The following GRIP1 variants were observed in gnomAD, a reference collection of about 807,000 sequenced individuals.
The protein encoded by GRIP1 is glutamate receptor-interacting protein 1.
GRIP1 carries 45 observed loss-of-function variants against 129.9 expected under a neutral mutation model. The ratio of observed to expected loss-of-function variants is 0.35; its 90% CI spans 0.27 to 0.44. The LOEUF is 0.44. Among genes scored for constraint, GRIP1 ranks in the 20% least tolerant of loss-of-function variants. The pLI, the probability that GRIP1 is intolerant of heterozygous loss-of-function variation, is 1.00. For synonymous variants in GRIP1, 530 were observed against 520.8 expected, an observed-to-expected ratio of 1.02 and a Z score of -0.24; for missense variants, 1,196 against 1,396.8, an observed-to-expected ratio of 0.86 and a Z score of 2.29.
chr12:66,365,306 G>T (rs1328289807), intron 23 of GRIP1, among the ~76,000 whole-genome samples: 1 of 152,084 alleles, frequency 6.6e-6, no homozygotes, highest in South Asian at 2.1e-4. Flanking sequence ...GCATGGTGGT[G>T]TGTACCTGTA....
rs1293704009 is a variant in GRIP1 at position 66,349,057 on chromosome 12, C to T, written c.3349G>A (p.Gly1117Ser). 1 of 1,613,974 alleles carries T rather than the reference C, an allele frequency of 6.2e-7. No homozygotes were observed. The highest frequency in any genetic ancestry group is 1.1e-5 in the South Asian group (1 of 91,082). ...SAFFQQPSHG[G>S]NLETREPTNT... ...GTGGGTTCTCGTGTCTCCAAATTAC[C>T]ACCGTGGCTAGGCTGCTGGAAAAAA... The change falls in exon 25 of 25, where the codon GGT becomes AGT. Residue 1117 changes from glycine to serine, a missense_variant. This residue lies in a region of GRIP1 where 427 missense variants were observed against 463.3 expected (regional missense o/e 0.92). Coordinates refer to ENST00000359742, the MANE Select transcript of GRIP1 (RefSeq NM_001366722.1).
intron 1 of GRIP1, among the ~76,000 whole-genome samples, chr12:67,066,572 G>A (rs1338569406): frequency 1.3e-5 from 2 of 152,084 alleles, no homozygotes; most frequent in East Asian, 1.9e-4. Flanking sequence ...TAAGATATTC[G>A]AAATTGACCT....
At chr12:66,824,966 C>T (rs1346415796) in intron 1 of GRIP1, among the ~76,000 whole-genome samples, 1 of 152,004 alleles carries the variant, frequency 6.6e-6, no homozygotes, top group Non-Finnish European at 1.5e-5. Context: ...TCCCCAAAGC[C>T]CTCTCTTAAT....
intron 16 of GRIP1, among the ~76,000 whole-genome samples, chr12:66,405,701 C>T (rs920412144): frequency 6.6e-6 from 1 of 152,082 alleles, no homozygotes; most frequent in African/African-American, 2.4e-5. Context: ...TATTCTTACT[C>T]AGCCATCCTG....
chr12:66,918,945 A>G (rs1304852659), intron 1 of GRIP1, among the ~76,000 whole-genome samples: 1 of 152,166 alleles, frequency 6.6e-6, no homozygotes, highest in Admixed American at 6.5e-5. Flanking sequence ...CTTAAAATGA[A>G]TAAGAAAAAA....
intron 11 of GRIP1, among the ~76,000 whole-genome samples, chr12:66,448,010 G>T (rs527843169): frequency 1.3e-5 from 2 of 152,078 alleles, no homozygotes; most frequent in African/African-American, 2.4e-5. Flanking sequence ...GCATTTCAGC[G>T]CACAGTTCCA....
chr12:66,642,729 A>G (rs2032042871), intron 1 of GRIP1, among the ~76,000 whole-genome samples: 1 of 152,210 alleles, frequency 6.6e-6, no homozygotes, highest in South Asian at 2.1e-4. Flanking sequence ...ATTTGGAAGG[A>G]TAAATGAGTA....
intron 1 of GRIP1, among the ~76,000 whole-genome samples, chr12:66,618,719 T>A (rs561656162): frequency 6.6e-6 from 1 of 152,264 alleles, no homozygotes; most frequent in South Asian, 2.1e-4. Flanking sequence ...AATGAAATGT[T>A]TATTTATCAA....
intron 1 of GRIP1, among the ~76,000 whole-genome samples, chr12:66,781,052 T>C (rs2038142373): frequency 6.6e-6 from 1 of 152,178 alleles, no homozygotes; most frequent in Non-Finnish European, 1.5e-5. Flanking sequence ...TGTTCACCAC[T>C]GAGTTCTAGG....
chr12:66,862,875 G>T (rs1294007556), intron 1 of GRIP1, among the ~76,000 whole-genome samples: 1 of 151,976 alleles, frequency 6.6e-6, no homozygotes. Context: ...TTTCCAATGT[G>T]CTGCAGTTTC....
At chr12:66,553,277 T>C (rs191713447) in intron 2 of GRIP1, among the ~76,000 whole-genome samples, 9 of 152,284 alleles carry the variant, frequency 5.9e-5, no homozygotes, top group Admixed American at 5.9e-4. Flanking sequence ...AACTATCTTC[T>C]AGCCTCACTC....
At chr12:66,707,914 T>C (rs57794946) in intron 1 of GRIP1, among the ~76,000 whole-genome samples, 19,671 of 152,020 alleles carry the variant, frequency 0.13, 1,395 homozygotes, top group Non-Finnish European at 0.15. Flanking sequence ...TTAAAAAATA[T>C]AAGAAAGGCA....
At chr12:67,036,871 C>A (rs919440220) in intron 1 of GRIP1, among the ~76,000 whole-genome samples, 3 of 152,122 alleles carry the variant, frequency 2.0e-5, no homozygotes, top group African/African-American at 7.2e-5. Context: ...CCCTATACTT[C>A]TTCAAAATTA....
chr12:66,624,260 G>A lies in GRIP1; in HGVS notation c.56-27333C>T, dbSNP rs552303425. Among the ~76,000 whole-genome samples the A allele has an allele frequency of 2.1e-3, 327 of 152,186 alleles. 2 individuals are homozygous for A. The highest frequency in any genetic ancestry group is 7.5e-3 in the African/African-American group (311 of 41,534). ...CCCTCTCAAAGGTCTAGATTATGTT[G>A]CACAGAGATCAGCACCATTAATTTG... On this transcript the variant is annotated intron_variant, in intron 1 of 24. Transcript: ENST00000359742.
At chr12:66,907,768 AG>A (rs557930799) in intron 1 of GRIP1, among the ~76,000 whole-genome samples, 23 of 152,346 alleles carry the variant, frequency 1.5e-4, no homozygotes, top group Non-Finnish European at 2.8e-4. Flanking sequence ...CAACAAAGAA[AG>A]GGGAGAAAAC....
At chr12:66,473,493 C>T (rs1479783680) in intron 7 of GRIP1, among the ~76,000 whole-genome samples, 1 of 152,234 alleles carries the variant, frequency 6.6e-6, no homozygotes, top group Non-Finnish European at 1.5e-5. Flanking sequence ...GACAGACTGC[C>T]TCCTCAAATG....
At chr12:66,369,159 A>G (rs1173211192) in intron 23 of GRIP1, among the ~76,000 whole-genome samples, 1 of 152,178 alleles carries the variant, frequency 6.6e-6, no homozygotes, top group Non-Finnish European at 1.5e-5. Flanking sequence ...ATTTAGAGAA[A>G]ATGACAGAAG....
intron 1 of GRIP1, among the ~76,000 whole-genome samples, chr12:66,809,934 G>A (rs1436146777): frequency 6.6e-6 from 1 of 152,058 alleles, no homozygotes; most frequent in Non-Finnish European, 1.5e-5. Flanking sequence ...GGGATTACAG[G>A]CATGAGCCAC....
intron 11 of GRIP1, among the ~76,000 whole-genome samples, chr12:66,447,665 T>C (rs1477638490): frequency 2.6e-5 from 4 of 152,112 alleles, no homozygotes; most frequent in Non-Finnish European, 5.9e-5. Context: ...TTTAATACTA[T>C]CCCTTTCCAC....
Sources: gnomAD v4.1 joint callset for allele counts (sites outside exome capture counted in the v4.1 genomes callset) on GRCh38, gnomAD v4.1.1 for gene constraint, gnomAD v4.1.1 regional missense constraint, MANE v1.5 for transcripts, NCBI Gene and HGNC (gene_info 2026-07-23, HGNC 2026-07-21) for gene names.